C1orf21: variants seen among roughly 807,000 people sequenced by gnomAD.
The protein encoded by C1orf21 is chromosome 1 open reading frame 21.
C1orf21 carries 3 observed loss-of-function variants against 18.7 expected under a neutral mutation model. That is an observed-to-expected ratio of 0.16 (90% CI 0.07 to 0.42). The LOEUF (loss-of-function observed/expected upper bound fraction) is 0.42, where lower values mean the gene tolerates loss of function less well. Ranked by LOEUF, C1orf21 falls within the 10% of genes least tolerant of loss-of-function variation. The pLI is 0.99. For missense variants in C1orf21, 104 were observed against 143.6 expected (o/e 0.72, Z 1.41); for synonymous variants, 41 against 46.4 (o/e 0.88, Z 0.47).
At chr1:184,614,435 A>G (rs1318138192) in intron 5 of C1orf21, among the ~76,000 whole-genome samples, 1 of 152,212 alleles carries the variant, frequency 6.6e-6, no homozygotes, top group Non-Finnish European at 1.5e-5. Flanking sequence ...CTGAATGCAT[A>G]CATGTCTATA....
intron 3 of C1orf21, among the ~76,000 whole-genome samples, chr1:184,535,809 C>T (rs574595047): frequency 1.3e-5 from 2 of 152,300 alleles, no homozygotes; most frequent in East Asian, 3.9e-4. Context: ...TGATTGTCTT[C>T]CTGTGGACTT....
chr1:184,524,829 A>T (rs1294453060), intron 3 of C1orf21, among the ~76,000 whole-genome samples: 1 of 152,114 alleles, frequency 6.6e-6, no homozygotes. Context: ...TTCTGCTTCA[A>T]CCTAAAGGCA....
chr1:184,575,396 T>G (rs542380302), intron 3 of C1orf21, among the ~76,000 whole-genome samples: 1 of 152,034 alleles, frequency 6.6e-6, no homozygotes, highest in Non-Finnish European at 1.5e-5. Flanking sequence ...GATGAAGGGG[T>G]ACACTGTTAA....
chr1:184,401,463 G>C (rs1656149872), intron 1 of C1orf21, among the ~76,000 whole-genome samples: 1 of 152,118 alleles, frequency 6.6e-6, no homozygotes, highest in African/African-American at 2.4e-5. Flanking sequence ...GGCAGATCAG[G>C]TGATCCGCCT....
chr1:184,577,191 A>G (rs1402644555), intron 3 of C1orf21, among the ~76,000 whole-genome samples: 1 of 151,012 alleles, frequency 6.6e-6, no homozygotes. Flanking sequence ...ACACAGTATA[A>G]TCACAAGGAT....
intron 3 of C1orf21, among the ~76,000 whole-genome samples, chr1:184,573,214 G>A (rs757697167): frequency 3.9e-5 from 6 of 152,046 alleles, no homozygotes; most frequent in Non-Finnish European, 7.4e-5. Flanking sequence ...CGTTTACCCC[G>A]AGATAACTTT....
At chr1:184,502,345 G>T (rs547279230) in intron 2 of C1orf21, among the ~76,000 whole-genome samples, 1 of 152,220 alleles carries the variant, frequency 6.6e-6, no homozygotes, top group South Asian at 2.1e-4. Flanking sequence ...ATTCATGAGG[G>T]TGGAGCCCTC....
chr1:184,515,006 C>T (rs988774343), intron 3 of C1orf21, among the ~76,000 whole-genome samples: 1 of 152,110 alleles, frequency 6.6e-6, no homozygotes, highest in Non-Finnish European at 1.5e-5. Context: ...GATGGGGAAC[C>T]TAAGAATGTA....
At chr1:184,512,451 A>T (rs1658164068) in intron 3 of C1orf21, among the ~76,000 whole-genome samples, 1 of 152,146 alleles carries the variant, frequency 6.6e-6, no homozygotes, top group Admixed American at 6.5e-5. Flanking sequence ...AATGGAGAAG[A>T]TCGTGCTGGT....
chr1:184,456,765 C>T (rs192782772), intron 1 of C1orf21, among the ~76,000 whole-genome samples: 1 of 152,274 alleles, frequency 6.6e-6, no homozygotes, highest in East Asian at 1.9e-4. Context: ...CTATGCTTGG[C>T]TTCATGCTAG....
chr1:184,542,518 A>T (rs1658669783), intron 3 of C1orf21: 1 of 152,098 alleles, frequency 6.6e-6, no homozygotes, highest in Admixed American at 6.5e-5. Flanking sequence ...TCTCAACAAA[A>T]CATATGTTTG....
At chr1:184,581,160 C>T (rs922227510) in intron 3 of C1orf21, among the ~76,000 whole-genome samples, 4 of 152,178 alleles carry the variant, frequency 2.6e-5, no homozygotes, top group African/African-American at 9.7e-5. Context: ...GGCGAGGTGG[C>T]TCACGCCTGT....
At position 184,621,669 on chromosome 1, in the gene C1orf21, C is replaced by T. The variant is rs1043606896; in HGVS notation, c.*2113C>T. 5 of 152,206 alleles carry T rather than the reference C, an allele frequency of 3.3e-5. No homozygotes were observed. The highest frequency in any genetic ancestry group is 1.2e-4 in the African/African-American group (5 of 41,440). The allele number at this position is 152,206 out of a possible 1,614,324, so 9.4% of individuals were successfully genotyped here. On this transcript the variant is annotated 3_prime_UTR_variant, in exon 6 of 6. Transcript: ENST00000235307. ...TCCCAGAAAACCACCACCCTCTACC[C>T]AAAGATGAAACATGCTCATGTCATT...
intron 3 of C1orf21, among the ~76,000 whole-genome samples, chr1:184,525,031 C>G (rs1031641564): frequency 1.3e-5 from 2 of 150,810 alleles, no homozygotes; most frequent in African/African-American, 4.9e-5. Flanking sequence ...TTTTTTTCTC[C>G]CTAAAGAGTG....
At chr1:184,581,613 C>T (rs755111662) in intron 3 of C1orf21, among the ~76,000 whole-genome samples, 20 of 148,888 alleles carry the variant, frequency 1.3e-4, no homozygotes, top group Non-Finnish European at 2.3e-4. Flanking sequence ...TTAAAACAGC[C>T]TTAACTTATA....
intron 3 of C1orf21, among the ~76,000 whole-genome samples, chr1:184,571,527 T>C (rs1232052556): frequency 1.3e-5 from 2 of 152,208 alleles, no homozygotes; most frequent in Non-Finnish European, 2.9e-5. Context: ...GGCTTTATCT[T>C]ACCAGTTATA....
intron 3 of C1orf21, among the ~76,000 whole-genome samples, chr1:184,516,596 T>A (rs1284657216): frequency 6.6e-6 from 1 of 152,056 alleles, no homozygotes; most frequent in African/African-American, 2.4e-5. Context: ...GAGGAGCAAG[T>A]CCCATCTTAC....
At chr1:184,431,914 A>G (rs923159217) in intron 1 of C1orf21, among the ~76,000 whole-genome samples, 1 of 152,264 alleles carries the variant, frequency 6.6e-6, no homozygotes, top group Non-Finnish European at 1.5e-5. Context: ...GCAAACAAAC[A>G]TGAAAAAATG....
chr1:184,481,676 C>T (rs1421763413), intron 2 of C1orf21, among the ~76,000 whole-genome samples: 1 of 152,154 alleles, frequency 6.6e-6, no homozygotes, highest in Non-Finnish European at 1.5e-5. Context: ...TCCCAACACC[C>T]ACATTGAAAT....
Sources: gnomAD v4.1 joint callset for allele counts (sites outside exome capture counted in the v4.1 genomes callset) on GRCh38, gnomAD v4.1.1 for gene constraint, MANE v1.5 for transcripts, NCBI Gene and HGNC (gene_info 2026-07-23, HGNC 2026-07-21) for gene names.